Variants in CCDC73 observed in about 807,000 individuals in gnomAD.
The protein encoded by CCDC73 is coiled-coil domain-containing protein 73.
CCDC73 carries 95 observed loss-of-function variants against 116.5 expected under a neutral mutation model. That is an observed-to-expected ratio of 0.82 (90% CI 0.69 to 0.97). The LOEUF is 0.97. CCDC73 is among the 50% of genes least tolerant of loss of function. The pLI is 0.00. For missense variants in CCDC73, 1,066 were observed against 1,206.8 expected (o/e 0.88, Z 1.73); for synonymous variants, 398 against 401.3 (o/e 0.99, Z 0.10).
intron 6 of CCDC73, among the ~76,000 whole-genome samples, chr11:32,692,117 T>G (rs934373716): frequency 1.3e-5 from 2 of 151,976 alleles, no homozygotes; most frequent in African/African-American, 4.8e-5. Context: ...CTACGTTTTC[T>G]TCTAGGAGTT....
intron 2 of CCDC73, among the ~76,000 whole-genome samples, chr11:32,723,193 A>C (rs1017946622): frequency 2.6e-5 from 4 of 152,224 alleles, no homozygotes; most frequent in African/African-American, 9.6e-5. Context: ...TCAAAATAAA[A>C]ACTAGAAATA....
intron 9 of CCDC73, among the ~76,000 whole-genome samples, chr11:32,674,904 G>A (rs1215751793): frequency 1.3e-5 from 2 of 152,216 alleles, no homozygotes; most frequent in Non-Finnish European, 1.5e-5. Flanking sequence ...ATAAATGTTC[G>A]ATTCACAGCT....
intron 2 of CCDC73, among the ~76,000 whole-genome samples, chr11:32,754,816 T>C (rs1386245982): frequency 6.6e-5 from 10 of 151,728 alleles, no homozygotes; most frequent in African/African-American, 2.2e-4. Flanking sequence ...CTTTTTAGCA[T>C]TGAATTCCAG....
intron 9 of CCDC73, among the ~76,000 whole-genome samples, chr11:32,668,754 T>C (rs1856010414): frequency 1.3e-5 from 2 of 152,298 alleles, no homozygotes; most frequent in Admixed American, 1.3e-4. Context: ...ATGTTTCTGA[T>C]TTAAGTGTGA....
chr11:32,698,795 T>C (rs1849781507), intron 6 of CCDC73, among the ~76,000 whole-genome samples: 1 of 152,192 alleles, frequency 6.6e-6, no homozygotes, highest in Non-Finnish European at 1.5e-5. Flanking sequence ...GAATGAATCA[T>C]CATTAGTTAA....
intron 12 of CCDC73, among the ~76,000 whole-genome samples, chr11:32,645,138 C>T (rs1351436453): frequency 6.6e-6 from 1 of 152,186 alleles, no homozygotes; most frequent in Non-Finnish European, 1.5e-5. Context: ...ATTATGTCTT[C>T]CACCTCCACA....
chr11:32,666,166 T>C (rs984358485), intron 9 of CCDC73, among the ~76,000 whole-genome samples: 1 of 152,194 alleles, frequency 6.6e-6, no homozygotes. Context: ...AAGAGTATCT[T>C]TGTGGCATTC....
chr11:32,627,416 T>C lies in CCDC73; in HGVS notation c.1185+8280A>G, dbSNP rs181370654. Among the ~76,000 whole-genome samples the C allele has an allele frequency of 7.1e-3, 1,087 of 152,310 alleles. 17 individuals are homozygous for C. The highest frequency in any genetic ancestry group is 0.025 in the African/African-American group (1,048 of 41,554). The stretch of plus-strand genomic sequence containing the variant: ...CCACTGTGGAAGTCAGTGTGGCGAT[T>C]CTTCAGGGATCTAGAAGTAGAAATA... On this transcript the variant is annotated intron_variant, in intron 14 of 17. Transcript: ENST00000335185.
At chr11:32,820,296 G>A in the CCDC73 span, among the ~76,000 whole-genome samples, 1 of 152,130 alleles carries the variant, frequency 6.6e-6, no homozygotes, top group South Asian at 2.1e-4. Context: ...GGAACTATAG[G>A]CATGTGACAC....
intron 5 of CCDC73, 29 bp downstream of exon 5, chr11:32,700,761 GA>G (rs1849804535): frequency 8.9e-7 from 1 of 1,125,256 alleles, no homozygotes; most frequent in Non-Finnish European, 1.3e-6. Context: ...CTTTTTAATA[GA>G]CAGAAAATTT....
chr11:32,749,893 CG>C (rs1850272274), intron 2 of CCDC73, among the ~76,000 whole-genome samples: 1 of 146,822 alleles, frequency 6.8e-6, no homozygotes, highest in East Asian at 2.0e-4. Flanking sequence ...TTTTTTGAGA[CG>C]GAGTCTTGCT....
intron 2 of CCDC73, among the ~76,000 whole-genome samples, chr11:32,740,798 T>C (rs933526278): frequency 2.0e-5 from 3 of 152,018 alleles, no homozygotes; most frequent in African/African-American, 4.8e-5. Context: ...TTTTTTTTGA[T>C]GTAGACACTT....
the CCDC73 span, among the ~76,000 whole-genome samples, chr11:32,800,173 A>T: frequency 6.6e-6 from 1 of 152,294 alleles, no homozygotes; most frequent in South Asian, 2.1e-4. Flanking sequence ...TAGCTATTGA[A>T]TTTTAAGTGT....
At chr11:32,713,202 T>C (rs561235814) in intron 3 of CCDC73, among the ~76,000 whole-genome samples, 13 of 152,194 alleles carry the variant, frequency 8.5e-5, no homozygotes, top group African/African-American at 1.4e-4. Flanking sequence ...GCAGGATATA[T>C]TGCAACAGTC....
intron 6 of CCDC73, among the ~76,000 whole-genome samples, chr11:32,689,038 T>G (rs950118045): frequency 6.6e-6 from 1 of 152,042 alleles, no homozygotes; most frequent in African/African-American, 2.4e-5. Flanking sequence ...CACACTGGTA[T>G]AGAGAAAGGA....
At chr11:32,785,101 G>A (rs1458078914) in intron 1 of CCDC73, among the ~76,000 whole-genome samples, 2 of 152,078 alleles carry the variant, frequency 1.3e-5, no homozygotes, top group Non-Finnish European at 2.9e-5. Flanking sequence ...GGGAGGTAGA[G>A]GTTGCAGTGA....
Position 32,654,044 on chromosome 11 carries a change from AAT to A in CCDC73, c.775-9_775-8del. Reference sequence around the variant, plus strand: ...TCTCATTTAATTCCAATTCCTTTAAAATTTGAATAGTTTTAAAGTTATGATAT... The same window carrying A: ...TCTCATTTAATTCCAATTCCTTTAAATTGAATAGTTTTAAAGTTATGATAT... On this transcript the variant is annotated splice_region_variant and splice_polypyrimidine_tract_variant and intron_variant, in intron 10 of 17. Transcript: ENST00000335185. 1.3e-6 allele frequency: 2 copies of A among 1,584,248 alleles called. No individual in the cohort carries two copies. Among genetic ancestry groups the A allele is most frequent in the Non-Finnish European group, 1.7e-6 (2 of 1,165,140 alleles).
At chr11:32,773,936 C>A (rs1850511297) in intron 1 of CCDC73, among the ~76,000 whole-genome samples, 1 of 152,112 alleles carries the variant, frequency 6.6e-6, no homozygotes, top group South Asian at 2.1e-4. Context: ...TCATTTTCCC[C>A]AGAGAACTCT....
chr11:32,782,948 A>C (rs538502415), intron 1 of CCDC73, among the ~76,000 whole-genome samples: 1 of 152,272 alleles, frequency 6.6e-6, no homozygotes, highest in African/African-American at 2.4e-5. Flanking sequence ...GGATTAATCC[A>C]GAAGTCCCAA....
Sources: allele counts gnomAD v4.1 joint callset (sites outside exome capture counted in the v4.1 genomes callset), GRCh38; gene constraint gnomAD v4.1.1; transcripts MANE v1.5; gene names NCBI Gene and HGNC (gene_info 2026-07-23, HGNC 2026-07-21).